The following PPM1L variants were observed in gnomAD, a reference collection of about 807,000 sequenced individuals.
PPM1L encodes the protein protein phosphatase 1L.
A neutral mutation model predicts 31.4 loss-of-function variants in PPM1L; 13 were observed. That is an observed-to-expected ratio of 0.41 (90% CI 0.27 to 0.66). PPM1L has a LOEUF of 0.66. PPM1L is among the 30% of genes least tolerant of loss of function. The pLI, the probability that PPM1L is intolerant of heterozygous loss-of-function variation, is 0.29. For missense variants in PPM1L, 326 were observed against 453.7 expected, an observed-to-expected ratio of 0.72 and a Z score of 2.56; for synonymous variants, 184 against 175.4, an observed-to-expected ratio of 1.05 and a Z score of -0.39.
chr3:160,991,024 A>G (rs1717115420), intron 2 of PPM1L, among the ~76,000 whole-genome samples: 1 of 151,938 alleles, frequency 6.6e-6, no homozygotes, highest in South Asian at 2.1e-4. Flanking sequence ...TGGAAGAAGA[A>G]GAATTGTCTT....
At chr3:160,929,640 G>T (rs1389717108) in intron 1 of PPM1L, among the ~76,000 whole-genome samples, 1 of 152,116 alleles carries the variant, frequency 6.6e-6, no homozygotes, top group African/African-American at 2.4e-5. Flanking sequence ...TTATTTACTT[G>T]TAGTGTAGTC....
At chr3:160,948,853 C>A (rs1029466832) in intron 1 of PPM1L, among the ~76,000 whole-genome samples, 3 of 152,006 alleles carry the variant, frequency 2.0e-5, no homozygotes, top group Admixed American at 2.0e-4. Context: ...CTTGTACAAC[C>A]CTAGATGTAC....
At chr3:160,846,902 C>T (rs1330814063) in intron 1 of PPM1L, among the ~76,000 whole-genome samples, 1 of 151,796 alleles carries the variant, frequency 6.6e-6, no homozygotes, top group African/African-American at 2.4e-5. Flanking sequence ...TAGCTTACTT[C>T]AAAATATATT....
chr3:160,810,880 A>G (rs770517683), intron 1 of PPM1L, among the ~76,000 whole-genome samples: 6 of 152,210 alleles, frequency 3.9e-5, no homozygotes, highest in Non-Finnish European at 8.8e-5. Flanking sequence ...TGCAGATTTC[A>G]GGGATATTCA....
intron 2 of PPM1L, among the ~76,000 whole-genome samples, chr3:160,970,796 T>TTTTTG (rs1716309514): frequency 7.4e-6 from 1 of 135,892 alleles, no homozygotes; most frequent in Non-Finnish European, 1.6e-5. Flanking sequence ...AATTTTTTTT[T>TTTTTG]TTTTTTTTTT....
intron 2 of PPM1L, among the ~76,000 whole-genome samples, chr3:161,059,104 C>CA (rs1252612577): frequency 1.3e-5 from 2 of 152,156 alleles, no homozygotes; most frequent in African/African-American, 4.8e-5. Flanking sequence ...TAGTCCAACA[C>CA]AAAAACATGC....
chr3:161,075,281 AC>A lies in PPM1L; in HGVS notation c.*6128del, dbSNP rs1364163932. 6.6e-6 allele frequency: 1 copy of A among 152,054 alleles called. No individual in the cohort carries two copies. Among genetic ancestry groups the A allele is most frequent in the Non-Finnish European group, 1.5e-5 (1 of 68,024 alleles). 9.4% of individuals were successfully genotyped at this position (152,054 alleles called of 1,614,324 possible). On this transcript the variant is annotated 3_prime_UTR_variant, in exon 4 of 4. Coordinates refer to ENST00000498165, the MANE Select transcript of PPM1L (RefSeq NM_139245.4). ...TGTAATAGTCAAGTATCAGGGAAAA[AC>A]CCCTTTAGGATACCCAGACATTAAA...
At chr3:160,876,195 T>G (rs1250498057) in intron 1 of PPM1L, among the ~76,000 whole-genome samples, 1 of 152,198 alleles carries the variant, frequency 6.6e-6, no homozygotes, top group East Asian at 1.9e-4. Flanking sequence ...AACTGTTGAG[T>G]GTTTAAAGTA....
At chr3:160,875,736 G>A (rs767306255) in intron 1 of PPM1L, among the ~76,000 whole-genome samples, 3 of 152,094 alleles carry the variant, frequency 2.0e-5, no homozygotes, top group Admixed American at 6.5e-5. Flanking sequence ...ACACATTTAG[G>A]TTAAGTAAAA....
At chr3:160,930,103 G>A (rs62280303) in intron 1 of PPM1L, among the ~76,000 whole-genome samples, 55,389 of 152,016 alleles carry the variant, frequency 0.36, 12,814 homozygotes, top group Non-Finnish European at 0.52. Flanking sequence ...CCATACTTTT[G>A]ACTCTTTCAT....
intron 1 of PPM1L, among the ~76,000 whole-genome samples, chr3:160,794,738 T>G (rs1315189077): frequency 6.6e-6 from 1 of 152,158 alleles, no homozygotes; most frequent in Admixed American, 6.5e-5. Context: ...AGAATTGTCT[T>G]GGGCCACACA....
chr3:160,954,970 CT>C (rs1715721209), intron 1 of PPM1L, among the ~76,000 whole-genome samples: 2 of 119,306 alleles, frequency 1.7e-5, no homozygotes, highest in Non-Finnish European at 3.8e-5. Context: ...CTTTCCTTTC[CT>C]TTCCTTTCCT....
At chr3:160,758,725 G>C (rs1332593729) in intron 1 of PPM1L, among the ~76,000 whole-genome samples, 1 of 152,260 alleles carries the variant, frequency 6.6e-6, no homozygotes, top group South Asian at 2.1e-4. Context: ...AAAGGGACAC[G>C]ATAAATGCTT....
rs1576792731 is a variant in PPM1L at position 161,028,437 on chromosome 3, A to G, written c.575-36966A>G. Among the ~76,000 whole-genome samples the G allele has an allele frequency of 2.6e-5, 4 of 152,282 alleles. 1 individual carries two copies. The Middle Eastern group carries it at 0.014, about 518-fold the overall frequency. ...GGTGTGAGTGAGACAATCTTAGGCAAGTATGGCAGGAGAAAAGAAAGCGGG... is the reference window on the plus strand; with the variant it reads ...GGTGTGAGTGAGACAATCTTAGGCAGGTATGGCAGGAGAAAAGAAAGCGGG... On this transcript the variant is annotated intron_variant, in intron 2 of 3. Coordinates refer to ENST00000498165, the MANE Select transcript of PPM1L (RefSeq NM_139245.4).
intron 1 of PPM1L, among the ~76,000 whole-genome samples, chr3:160,908,569 A>G (rs536801939): frequency 4.5e-4 from 69 of 152,316 alleles, no homozygotes; most frequent in African/African-American, 1.6e-3. Flanking sequence ...AGATACTATA[A>G]CATAGAAGCA....
intron 2 of PPM1L, among the ~76,000 whole-genome samples, chr3:160,966,996 C>T (rs998902074): frequency 6.6e-6 from 1 of 152,094 alleles, no homozygotes; most frequent in Non-Finnish European, 1.5e-5. Context: ...ACTCAAATCT[C>T]ATCTTGAATT....
intron 1 of PPM1L, among the ~76,000 whole-genome samples, chr3:160,817,412 G>A (rs1405632865): frequency 1.1e-4 from 16 of 152,034 alleles, no homozygotes; most frequent in Admixed American, 1.0e-3. Context: ...CAGTGGTATT[G>A]GTGAGTAGAG....
chr3:160,852,775 C>T (rs950476932), intron 1 of PPM1L, among the ~76,000 whole-genome samples: 4 of 152,194 alleles, frequency 2.6e-5, no homozygotes, highest in African/African-American at 9.7e-5. Context: ...TACTTCAGGT[C>T]ATTTACTGTA....
At chr3:160,786,904 C>T (rs1711950948) in intron 1 of PPM1L, among the ~76,000 whole-genome samples, 1 of 152,152 alleles carries the variant, frequency 6.6e-6, no homozygotes. Flanking sequence ...TAGCTGGATT[C>T]ATGTTGCCGC....
Sources: allele counts gnomAD v4.1 joint callset (sites outside exome capture counted in the v4.1 genomes callset), GRCh38; gene constraint gnomAD v4.1.1; transcripts MANE v1.5; gene names NCBI Gene and HGNC (gene_info 2026-07-23, HGNC 2026-07-21).